Variants in RGS8 observed in about 807,000 individuals in gnomAD.
RGS8 encodes the protein regulator of G-protein signaling 8.
RGS8 carries 8 observed loss-of-function variants against 21.7 expected under a neutral mutation model. That is an observed-to-expected ratio of 0.37 (90% CI 0.22 to 0.66). RGS8 has a LOEUF of 0.66. Ranked by LOEUF, RGS8 falls within the 30% of genes least tolerant of loss-of-function variation. The pLI is 0.59. For synonymous variants in RGS8, 80 were observed against 83.6 expected, an observed-to-expected ratio of 0.96 and a Z score of 0.24; for missense variants, 157 against 217.9, an observed-to-expected ratio of 0.72 and a Z score of 1.76.
At chr1:182,743,444 T>C in the RGS8 span, among the ~76,000 whole-genome samples, 1 of 152,000 alleles carries the variant, frequency 6.6e-6, no homozygotes, top group Non-Finnish European at 1.5e-5. Flanking sequence ...TCAAACAAGA[T>C]AGAGGTTGTG....
exon 6 of RGS8, chr1:182,648,299 C>A (rs1291014880): frequency 6.2e-7 from 1 of 1,612,626 alleles, no homozygotes; most frequent in African/African-American, 1.3e-5. Flanking sequence ...ATGCAGCCAC[C>A]CCATCTGCGG....
the RGS8 span, among the ~76,000 whole-genome samples, chr1:182,745,450 C>T: frequency 0.37 from 55,772 of 152,078 alleles, 10,576 homozygotes; most frequent in Non-Finnish European, 0.41. Flanking sequence ...AAATCATTCT[C>T]TATTCTTTAA....
chr1:182,688,022 G>A (rs115580144), upstream of RGS8, among the ~76,000 whole-genome samples: 7 of 152,284 alleles, frequency 4.6e-5, no homozygotes, highest in African/African-American at 7.2e-5. Flanking sequence ...TTTAAACTGC[G>A]TATGTCCTAT....
the RGS8 span, chr1:182,712,803 C>T: frequency 9.2e-5 from 14 of 152,216 alleles, no homozygotes; most frequent in East Asian, 1.3e-3. Context: ...ATTCTACAGA[C>T]ATGACCTCAT....
intron 5 of RGS8, among the ~76,000 whole-genome samples, chr1:182,648,754 C>A (rs1352953003): frequency 6.6e-6 from 1 of 151,700 alleles, no homozygotes; most frequent in Non-Finnish European, 1.5e-5. Context: ...AAAAAAAAGA[C>A]CCCATTCTCT....
intron 5 of RGS8, among the ~76,000 whole-genome samples, chr1:182,657,715 C>T (rs1417500804): frequency 6.6e-6 from 1 of 152,190 alleles, no homozygotes; most frequent in Non-Finnish European, 1.5e-5. Flanking sequence ...TTGTAAGATG[C>T]AGGTCCTAAT....
chr1:182,703,542 T>C, the RGS8 span, among the ~76,000 whole-genome samples: 2 of 152,364 alleles, frequency 1.3e-5, no homozygotes, highest in Non-Finnish European at 2.9e-5. Context: ...GACTTTATTT[T>C]GTCCTAATCC....
chr1:182,654,547 A>G (rs905452413), intron 5 of RGS8, among the ~76,000 whole-genome samples: 3 of 152,226 alleles, frequency 2.0e-5, no homozygotes, highest in Non-Finnish European at 4.4e-5. Flanking sequence ...AGATAAAGTC[A>G]CCACCTCATA....
At chr1:182,716,175 G>A in the RGS8 span, among the ~76,000 whole-genome samples, 1 of 151,388 alleles carries the variant, frequency 6.6e-6, no homozygotes, top group African/African-American at 2.4e-5. Context: ...GCCCCGGCTG[G>A]AGTACAGTGG....
At chr1:182,672,412 T>C (rs1177533394), upstream of RGS8, among the ~76,000 whole-genome samples, 1 of 152,054 alleles carries the variant, frequency 6.6e-6, no homozygotes, top group Non-Finnish European at 1.5e-5. Context: ...CCACCCCCTT[T>C]CTCTCAATTT....
upstream of RGS8, among the ~76,000 whole-genome samples, chr1:182,687,321 G>T (rs1306816672): frequency 1.3e-5 from 2 of 152,220 alleles, no homozygotes; most frequent in Non-Finnish European, 2.9e-5. Context: ...GGGACCATAA[G>T]CCTGAGGGCT....
the RGS8 span, among the ~76,000 whole-genome samples, chr1:182,729,542 G>A: frequency 1.9e-4 from 29 of 152,170 alleles, no homozygotes; most frequent in African/African-American, 6.8e-4. Flanking sequence ...TTCTGTAAAT[G>A]TGAATGACTT....
the RGS8 span, among the ~76,000 whole-genome samples, chr1:182,748,842 C>T: frequency 2.2e-4 from 34 of 152,192 alleles, no homozygotes; most frequent in South Asian, 1.9e-3. Flanking sequence ...TTTTGCATTT[C>T]CCTGACAATT....
At chr1:182,671,520 G>T (rs926178987) in intron 2 of RGS8, 137 bp downstream of exon 3, 1 of 710,702 alleles carries the variant, frequency 1.4e-6, no homozygotes, top group Non-Finnish European at 2.4e-6. Flanking sequence ...TTTACAAAGA[G>T]GGGGAGAGAA....
At chr1:182,744,656 C>T in the RGS8 span, among the ~76,000 whole-genome samples, 3 of 152,224 alleles carry the variant, frequency 2.0e-5, no homozygotes, top group African/African-American at 7.2e-5. Context: ...TTATTCAGTA[C>T]AGTAACGTGC....
intron 1 of RGS8, among the ~76,000 whole-genome samples, chr1:182,678,266 T>G (rs1028276423): frequency 6.6e-6 from 1 of 152,190 alleles, no homozygotes. Flanking sequence ...TCTTGACTTG[T>G]GTATATTTGA....
upstream of RGS8, chr1:182,672,799 C>T (rs901411930): frequency 2.5e-6 from 4 of 1,614,008 alleles, no homozygotes; most frequent in East Asian, 2.2e-5. Flanking sequence ...CCATTTCTTT[C>T]TTCTTTCAAA....
chr1:182,737,540 A>T, the RGS8 span, among the ~76,000 whole-genome samples: 18 of 152,212 alleles, frequency 1.2e-4, no homozygotes, highest in East Asian at 3.3e-3. Context: ...TATAAAGGGC[A>T]GTTCCCCTCC....
chr1:182,701,843 A>T, the RGS8 span, among the ~76,000 whole-genome samples: 5 of 152,340 alleles, frequency 3.3e-5, no homozygotes, highest in Admixed American at 1.3e-4. Context: ...AATGCTCCCC[A>T]TCACTAATCA....
Sources: allele counts gnomAD v4.1 joint callset (sites outside exome capture counted in the v4.1 genomes callset), GRCh38; gene constraint gnomAD v4.1.1; transcripts MANE v1.5; gene names NCBI Gene and HGNC (gene_info 2026-07-23, HGNC 2026-07-21).